Variants in EIF2S3B observed in about 807,000 individuals in gnomAD.
EIF2S3B encodes the protein eukaryotic translation initiation factor 2 subunit gamma B, also known as eukaryotic translation initiation factor 2 subunit 3B.
Under a neutral mutation model 26.4 loss-of-function variants are expected in EIF2S3B, and 16 were observed. That is an observed-to-expected ratio of 0.61 (90% CI 0.41 to 0.92). The LOEUF (loss-of-function observed/expected upper bound fraction) is 0.92, where lower values mean the gene tolerates loss of function less well. Ranked by LOEUF, EIF2S3B falls within the 40% of genes least tolerant of loss-of-function variation. The probability of loss-of-function intolerance (pLI) is 0.00; values close to 1 mark genes in which losing one functional copy is unlikely to be tolerated. For missense variants in EIF2S3B, 510 were observed against 575.5 expected (o/e 0.89, Z 1.16); for synonymous variants, 183 against 204.4 (o/e 0.90, Z 0.89).
chr12:10,518,245 G>C (rs1487696366), intron 1 of EIF2S3B, among the ~76,000 whole-genome samples: 3 of 152,134 alleles, frequency 2.0e-5, no homozygotes, highest in Non-Finnish European at 4.4e-5. Flanking sequence ...GGGAGTCTAA[G>C]TCTCTTTGTA....
At chr12:10,522,731 G>C in exon 2 of EIF2S3B, 1 of 682,140 alleles carries the variant, frequency 1.5e-6, no homozygotes, top group East Asian at 2.7e-5. Flanking sequence ...AAAGACAAAA[G>C]AAAACATGAT....
chr12:10,520,252 T>C (rs1300041802), intron 1 of EIF2S3B, among the ~76,000 whole-genome samples: 19 of 151,196 alleles, frequency 1.3e-4, no homozygotes, highest in African/African-American at 4.6e-4. Flanking sequence ...CAGTAAACTA[T>C]CACAAGGACA....
downstream of EIF2S3B, among the ~76,000 whole-genome samples, chr12:10,511,665 T>C (rs1355004681): frequency 6.6e-6 from 1 of 152,192 alleles, no homozygotes; most frequent in East Asian, 1.9e-4. Context: ...TGGCTTTTAC[T>C]CCATCTTCAA....
rs761554326 is a variant in EIF2S3B, at chr12:10,505,907, C to T, written c.5C>T (p.Ala2Val). M[A>V]GGEAGVTLGQ... ...CTTTCTTCCTCTTTTGGCAACATGG[C>T]GGGCGGAGAAGCTGGGGTGACTCTG... Residue 2 changes from alanine (A) to valine (V), a missense_variant, in exon 1 of 1, where the codon GCG becomes GTG. Transcript: ENST00000538173. The T allele has an allele frequency of 1.0e-5, 16 of 1,594,272 alleles. No homozygotes were observed. Among genetic ancestry groups the T allele is most frequent in the East Asian group, 2.2e-5 (1 of 44,820 alleles).
At chr12:10,522,234 C>A (rs1864839236) in intron 1 of EIF2S3B, among the ~76,000 whole-genome samples, 1 of 152,138 alleles carries the variant, frequency 6.6e-6, no homozygotes, top group Non-Finnish European at 1.5e-5. Context: ...GCTCAGGAGG[C>A]TGAGGCAGGA....
downstream of EIF2S3B, among the ~76,000 whole-genome samples, chr12:10,512,397 T>G (rs1864713641): frequency 6.6e-6 from 1 of 152,172 alleles, no homozygotes; most frequent in Non-Finnish European, 1.5e-5. Context: ...AAATTGATGG[T>G]TTTTATAATC....
chr12:10,509,436 T>C (rs1282481281), downstream of EIF2S3B, among the ~76,000 whole-genome samples: 4 of 152,124 alleles, frequency 2.6e-5, no homozygotes, highest in African/African-American at 9.6e-5. Flanking sequence ...CACAAATTTT[T>C]AAAATATTTA....
At chr12:10,518,939 TA>T (rs1864796914) in intron 1 of EIF2S3B, among the ~76,000 whole-genome samples, 1 of 152,082 alleles carries the variant, frequency 6.6e-6, no homozygotes, top group African/African-American at 2.4e-5. Flanking sequence ...CTGCCCAAGG[TA>T]ATTTATAGAT....
chr12:10,520,719 T>C (rs2137957621), intron 1 of EIF2S3B, among the ~76,000 whole-genome samples: 1 of 152,266 alleles, frequency 6.6e-6, no homozygotes, highest in South Asian at 2.1e-4. Flanking sequence ...TGTCACTCTC[T>C]CCTCACTCAT....
At chr12:10,521,141 T>C (rs988705299) in intron 1 of EIF2S3B, among the ~76,000 whole-genome samples, 2 of 152,184 alleles carry the variant, frequency 1.3e-5, no homozygotes, top group African/African-American at 4.8e-5. Context: ...GATAACCATA[T>C]TATGATACTG....
At chr12:10,509,882 G>A (rs1355950867), downstream of EIF2S3B, among the ~76,000 whole-genome samples, 3 of 151,816 alleles carry the variant, frequency 2.0e-5, no homozygotes, top group African/African-American at 7.3e-5. Context: ...GATTTTATGG[G>A]CACATAAAGA....
At chr12:10,516,461 TAG>T (rs1222827030) in intron 1 of EIF2S3B, among the ~76,000 whole-genome samples, 1 of 150,714 alleles carries the variant, frequency 6.6e-6, no homozygotes, top group Non-Finnish European at 1.5e-5. Context: ...ATATTTATTG[TAG>T]AGTTTAAGAT....
At position 10,506,126 on chromosome 12, in the gene EIF2S3B, G is replaced by C; in HGVS notation, c.224G>C (p.Arg75Thr). The C allele has an allele frequency of 6.3e-7, 1 of 1,585,772 alleles. No individual in the cohort carries two copies. The highest frequency in any genetic ancestry group is 8.7e-7 in the Non-Finnish European group (1 of 1,154,116). Reference protein sequence around the residue: ...HTVRFKNELERNITIKLGYAN... With the variant: ...HTVRFKNELETNITIKLGYAN... ...GTCAGGTTCAAAAATGAACTAGAAA[G>C]AAATATTACAATCAAGCTTGGATAT... The change falls in exon 1 of 1, where the codon AGA (arginine) becomes ACA (threonine). Residue 75 changes from arginine (R) to threonine (T), a missense_variant. Transcript: ENST00000538173.
chr12:10,512,555 G>A (rs566740412), downstream of EIF2S3B, among the ~76,000 whole-genome samples: 4 of 152,026 alleles, frequency 2.6e-5, no homozygotes, highest in African/African-American at 9.7e-5. Context: ...TCTGCTACTT[G>A]ACATAGAAAT....
intron 1 of EIF2S3B, among the ~76,000 whole-genome samples, chr12:10,522,324 G>A (rs1864840755): frequency 6.6e-6 from 1 of 152,084 alleles, no homozygotes; most frequent in South Asian, 2.1e-4. Context: ...GACAGAGTGA[G>A]ATCCTGTCTC....
At chr12:10,512,606 C>T (rs575295989), downstream of EIF2S3B, among the ~76,000 whole-genome samples, 4 of 152,186 alleles carry the variant, frequency 2.6e-5, no homozygotes, top group African/African-American at 7.2e-5. Context: ...TCTTGCTTGT[C>T]CTCCAACAAA....
At chr12:10,519,200 C>T (rs944914043) in intron 1 of EIF2S3B, among the ~76,000 whole-genome samples, 8 of 152,030 alleles carry the variant, frequency 5.3e-5, no homozygotes, top group East Asian at 3.9e-4. Flanking sequence ...TCAGAAATAA[C>T]GCCGCTTATC....
rs1180089700 is a variant in EIF2S3B, at chr12:10,506,797, G to C, written c.895G>C (p.Gly299Arg). 4 of 1,613,542 alleles carry C rather than the reference G, an allele frequency of 2.5e-6. No individual in the cohort carries two copies. The Admixed American group carries it at 6.7e-5, about 27-fold the overall frequency. Residue 299 changes from glycine (G) to arginine (R), a missense_variant, in exon 1 of 1, where the codon GGT (glycine) becomes CGT (arginine). Physicochemically the swap from Gly to Arg is moderately radical, Grantham distance 125. Transcript: ENST00000538173. The part of the protein sequence containing the change: ...KVGQETEVRP[G>R]IVSKDSEGKL... ...GGGCCAGGAGACAGAAGTAAGACCT[G>C]GTATTGTTTCCAAAGATAGTGAAGG...
chr12:10,512,440 T>C (rs1048807472), downstream of EIF2S3B, among the ~76,000 whole-genome samples: 1 of 152,302 alleles, frequency 6.6e-6, no homozygotes. Flanking sequence ...AACCTACTTA[T>C]TGTATCACTC....
Sources: gnomAD v4.1 joint callset for allele counts (sites outside exome capture counted in the v4.1 genomes callset) on GRCh38, gnomAD v4.1.1 for gene constraint, MANE v1.5 for transcripts, NCBI Gene and HGNC (gene_info 2026-07-23, HGNC 2026-07-21) for gene names.